SLMAP: variants seen among roughly 807,000 people sequenced by gnomAD.
SLMAP encodes sarcolemmal membrane-associated protein.
A neutral mutation model predicts 128.8 loss-of-function variants in SLMAP; 44 were observed. The observed-to-expected ratio is 0.34, with a 90% CI of 0.27 to 0.44. The LOEUF (loss-of-function observed/expected upper bound fraction) is 0.44. Among genes scored for constraint, SLMAP ranks in the 20% least tolerant of loss-of-function variants. SLMAP has a pLI of 1.00. For synonymous variants in SLMAP, 327 were observed against 348.8 expected (o/e 0.94, Z 0.70); for missense variants, 787 against 985.3 (o/e 0.80, Z 2.69).
intron 4 of SLMAP, among the ~76,000 whole-genome samples, chr3:57,844,406 T>A (rs548799039): frequency 4.6e-5 from 7 of 151,460 alleles, no homozygotes; most frequent in African/African-American, 1.5e-4. Context: ...CAAAAAAAAA[T>A]TTTAAAAATT....
At chr3:57,920,417 C>T (rs555836854) in intron 22 of SLMAP, among the ~76,000 whole-genome samples, 151 of 152,278 alleles carry the variant, frequency 9.9e-4, no homozygotes, top group African/African-American at 3.2e-3. Context: ...TGTGTTGACC[C>T]TAAGCCCCAT....
intron 2 of SLMAP, among the ~76,000 whole-genome samples, chr3:57,777,033 A>T (rs994624993): frequency 6.7e-6 from 1 of 150,328 alleles, no homozygotes; most frequent in African/African-American, 2.5e-5. Flanking sequence ...GGTTAAAAAA[A>T]ATTATTGCCA....
intron 3 of SLMAP, among the ~76,000 whole-genome samples, 182 bp downstream of exon 3, chr3:57,831,712 G>A (rs2093348662): frequency 6.6e-6 from 1 of 152,108 alleles, no homozygotes; most frequent in Non-Finnish European, 1.5e-5. Flanking sequence ...TTTAAATTCT[G>A]AAGTGTTATT....
Position 57,864,541 on chromosome 3 carries a change from T to C in SLMAP, c.967-7T>C, listed in dbSNP as rs754445048. On this transcript the variant is annotated splice_region_variant and splice_polypyrimidine_tract_variant and intron_variant, in intron 10 of 24. Transcript: ENST00000671191. The stretch of plus-strand genomic sequence containing the variant: ...TGTTAAATAACTGAATTTTCTTATT[T>C]TTCTAGGTAGCAGAGGGAAAACAAG... The C allele has an allele frequency of 6.4e-7, 1 of 1,557,490 alleles. No individual in the cohort carries two copies. The highest frequency in any genetic ancestry group is 1.2e-5 in the South Asian group (1 of 81,522).
chr3:57,757,882 T>C, intron 2 of SLMAP, 33 bp downstream of exon 2: 5 of 1,605,448 alleles, frequency 3.1e-6, no homozygotes, highest in Non-Finnish European at 4.3e-6. Context: ...CGGCATTGTT[T>C]AACAAACTTT....
At chr3:57,768,923 C>T (rs1029866206) in intron 2 of SLMAP, among the ~76,000 whole-genome samples, 10 of 152,060 alleles carry the variant, frequency 6.6e-5, no homozygotes, top group African/African-American at 1.9e-4. Context: ...TGATATGCCC[C>T]GCCAATTTCA....
intron 21 of SLMAP, among the ~76,000 whole-genome samples, chr3:57,916,673 T>C (rs1023699014): frequency 1.3e-5 from 2 of 152,242 alleles, no homozygotes; most frequent in Non-Finnish European, 2.9e-5. Flanking sequence ...TATTTCTGTT[T>C]TTAAAATTTC....
chr3:57,794,858 C>T (rs1042384922), intron 2 of SLMAP, among the ~76,000 whole-genome samples: 25 of 152,128 alleles, frequency 1.6e-4, no homozygotes, highest in African/African-American at 5.8e-4. Flanking sequence ...TTTCTACTTT[C>T]GGCTGTTATG....
chr3:57,895,405 G>A (rs1457779623), intron 15 of SLMAP, among the ~76,000 whole-genome samples: 2 of 151,704 alleles, frequency 1.3e-5, no homozygotes, highest in African/African-American at 4.8e-5. Flanking sequence ...GCACAATCTC[G>A]GCTCACTGCA....
rs141196518 is a variant in SLMAP at position 57,838,598 on chromosome 3, A to G, written c.347-2701A>G. On this transcript the variant is annotated intron_variant, in intron 3 of 24. Coordinates refer to ENST00000671191, the MANE Select transcript of SLMAP (RefSeq NM_001377540.1). ...TTTCTGTAAATCGTAAATATTCACAATGCAATGTGCTTAATGTTTTAAGAA... is the reference window on the plus strand; with the variant it reads ...TTTCTGTAAATCGTAAATATTCACAGTGCAATGTGCTTAATGTTTTAAGAA... 7.6e-4 allele frequency among the ~76,000 whole-genome samples: 115 copies of G among 152,280 alleles called. 1 individual carries two copies. Among genetic ancestry groups the G allele is most frequent in the African/African-American group, 2.3e-3 (95 of 41,572 alleles).
In SLMAP at chr3:57,907,994, T is replaced by C. The variant is rs2096608300; in HGVS notation, c.1612T>C (p.Phe538Leu). 2 of 1,613,408 alleles carry C rather than the reference T, an allele frequency of 1.2e-6. No individual in the cohort carries two copies. The highest frequency in any genetic ancestry group is 1.3e-5 in the African/African-American group (1 of 74,948). Reference protein sequence around the residue: ...ELARTSKQKCFELQALLEEER... With the variant: ...ELARTSKQKCLELQALLEEER... ...AGCTAGAACAAGTAAACAAAAATGC[T>C]TTGAACTTCAAGGTGAGATCAAGAT... The change falls in exon 18 of 25, where the codon TTT becomes CTT. Residue 538 changes from phenylalanine to leucine, a missense_variant. Physicochemically the swap from Phe to Leu is conservative, Grantham distance 22 (BLOSUM62 0). This residue lies in a region of SLMAP where 715 missense variants were observed against 843.6 expected (regional missense o/e 0.85). Coordinates refer to ENST00000671191, the MANE Select transcript of SLMAP (RefSeq NM_001377540.1).
intron 14 of SLMAP, among the ~76,000 whole-genome samples, chr3:57,877,009 C>A (rs1433009178): frequency 6.6e-6 from 1 of 152,108 alleles, no homozygotes; most frequent in Non-Finnish European, 1.5e-5. Flanking sequence ...TTAATCAGTG[C>A]CCTGAAGTAG....
At chr3:57,784,094 C>G (rs1369656991) in intron 2 of SLMAP, among the ~76,000 whole-genome samples, 1 of 152,158 alleles carries the variant, frequency 6.6e-6, no homozygotes, top group East Asian at 1.9e-4. Flanking sequence ...GCGGGGGGCC[C>G]AGACAGAGAT....
chr3:57,860,849 T>TAA lies in SLMAP; in HGVS notation c.828+10_828+11insAA. 13 of 1,471,598 alleles carry TAA rather than the reference T, an allele frequency of 8.8e-6. No individual in the cohort carries two copies. The Admixed American group carries it at 9.0e-5, about 10-fold the overall frequency. 91.2% of individuals were successfully genotyped at this position (1,471,598 alleles called of 1,614,324 possible). A position where few individuals can be genotyped will look rare whatever the true frequency, so the allele number is the denominator to read the frequency against. The stretch of plus-strand genomic sequence containing the variant: ...ACTTTCAGAAGTTGAGGTATTTCAA[T>TAA]CAAAAAAAAAATACTAAATAGTATT... On this transcript the variant is annotated intron_variant, in intron 9 of 24. Coordinates refer to ENST00000671191, the MANE Select transcript of SLMAP (RefSeq NM_001377540.1).
chr3:57,868,502 G>A (rs1480793539), intron 13 of SLMAP, among the ~76,000 whole-genome samples: 1 of 151,964 alleles, frequency 6.6e-6, no homozygotes, highest in Non-Finnish European at 1.5e-5. Flanking sequence ...AAGCAGGGAA[G>A]ACTGCTTGAG....
intron 2 of SLMAP, among the ~76,000 whole-genome samples, chr3:57,779,691 A>G (rs914856921): frequency 6.6e-6 from 1 of 151,902 alleles, no homozygotes; most frequent in Non-Finnish European, 1.5e-5. Context: ...TACTTTATAA[A>G]TGAATACTTA....
intron 2 of SLMAP, among the ~76,000 whole-genome samples, chr3:57,778,359 A>G (rs1398839551): frequency 6.6e-6 from 1 of 150,946 alleles, no homozygotes; most frequent in Non-Finnish European, 1.5e-5. Context: ...CAATGTTGGT[A>G]ATGTGTGCCT....
intron 2 of SLMAP, among the ~76,000 whole-genome samples, chr3:57,765,305 A>G (rs6787090): frequency 0.63 from 96,448 of 151,984 alleles, 31,226 homozygotes; most frequent in East Asian, 0.98. Flanking sequence ...GGGAGGATGA[A>G]ACAGGAGGAT....
At chr3:57,874,953 C>T (rs745584543) in intron 14 of SLMAP, among the ~76,000 whole-genome samples, 87 of 151,194 alleles carry the variant, frequency 5.8e-4, no homozygotes, top group Non-Finnish European at 1.1e-3. Context: ...ATATTTGTAA[C>T]ACAGAATAAA....
Sources: gnomAD v4.1 joint callset for allele counts (sites outside exome capture counted in the v4.1 genomes callset) on GRCh38, gnomAD v4.1.1 for gene constraint, gnomAD v4.1.1 regional missense constraint, MANE v1.5 for transcripts, NCBI Gene and HGNC (gene_info 2026-07-23, HGNC 2026-07-21) for gene names.